Variants in PCDHGB6 observed in about 807,000 individuals in gnomAD.
PCDHGB6 encodes the protein protocadherin gamma subfamily B, 6.
Under a neutral mutation model 59.1 loss-of-function variants are expected in PCDHGB6, and 51 were observed. The ratio of observed to expected loss-of-function variants is 0.86; its 90% CI spans 0.69 to 1.09. The LOEUF is 1.09. PCDHGB6 is among the 50% of genes least tolerant of loss of function. The pLI is 0.00. For missense variants in PCDHGB6, 1,148 were observed against 1,205.1 expected (o/e 0.95, Z 0.70); for synonymous variants, 466 against 495.1 (o/e 0.94, Z 0.78).
At chr5:141,475,957 G>A (rs776101269) in intron 1 of PCDHGB6, 148 of 812,416 alleles carry the variant, frequency 1.8e-4, no homozygotes, top group Non-Finnish European at 2.6e-4. Flanking sequence ...CTGCGCCCCG[G>A]GATGAGGCAG....
intron 1 of PCDHGB6, chr5:141,430,691 G>C (rs1479214920): frequency 1.4e-6 from 2 of 1,416,472 alleles, no homozygotes; most frequent in Non-Finnish European, 1.9e-6. Flanking sequence ...CCATTCTATG[G>C]GCGAAGGAAC....
rs949391796 is a variant in PCDHGB6 at position 141,493,050 on chromosome 5, A to G, written c.2419-1757A>G. 6.6e-6 allele frequency among the ~76,000 whole-genome samples: 1 copy of G among 152,262 alleles called. No homozygotes were observed. The highest frequency in any genetic ancestry group is 2.4e-5 in the African/African-American group (1 of 41,464). On this transcript the variant is annotated intron_variant, in intron 1 of 3. Coordinates refer to ENST00000520790, the MANE Select transcript of PCDHGB6 (RefSeq NM_018926.3). The surrounding 1 kb of genome is among the most constrained non-coding windows in gnomAD (Gnocchi z 4.3). Reference sequence around the variant, plus strand: ...CCCTTATGTGTGAGGAAACTACAATAGTAAAAAACACAAGTTTCTCCAACT... The same window carrying G: ...CCCTTATGTGTGAGGAAACTACAATGGTAAAAAACACAAGTTTCTCCAACT...
Position 141,486,178 on chromosome 5 carries a change from C to T in PCDHGB6, c.2419-8629C>T, listed in dbSNP as rs767840363. The T allele has an allele frequency of 1.1e-5, 17 of 1,614,076 alleles. No homozygotes were observed. The highest frequency in any genetic ancestry group is 1.4e-5 in the Non-Finnish European group (16 of 1,180,038). ...CTCCAGCCATGGAGCAACATTGCAG[C>T]CTTCGAGTGGATCTGCTGGACGTAA... On this transcript the variant is annotated intron_variant, in intron 1 of 3. Coordinates refer to ENST00000520790, the MANE Select transcript of PCDHGB6 (RefSeq NM_018926.3). The surrounding 1 kb of genome is among the most constrained non-coding windows in gnomAD (Gnocchi z 5.0).
At chr5:141,439,947 T>C (rs2098140958) in intron 1 of PCDHGB6, 1 of 152,516 alleles carries the variant, frequency 6.6e-6, no homozygotes, top group Non-Finnish European at 1.5e-5. Flanking sequence ...TTCTCTATGA[T>C]GCAGATCCGT....
rs192227219 is a variant in PCDHGB6 at position 141,501,899 on chromosome 5, A to G, written c.2478-3494A>G. Among the ~76,000 whole-genome samples the G allele has an allele frequency of 1.0e-3, 159 of 152,024 alleles. 1 individual carries two copies. The highest frequency in any genetic ancestry group is 6.8e-3 in the Middle Eastern group (2 of 294). ...TACACTCCTGATCATCATGGTTCCA[A>G]CCCCACTGTTCCACTCAGCTTTGTT... is the stretch of plus-strand genomic sequence containing the variant. On this transcript the variant is annotated intron_variant, in intron 2 of 3. Transcript: ENST00000520790.
chr5:141,466,206 T>C (rs2099118813), intron 1 of PCDHGB6, among the ~76,000 whole-genome samples: 1 of 152,126 alleles, frequency 6.6e-6, no homozygotes, highest in Admixed American at 6.5e-5. Flanking sequence ...AGCCTTGCTC[T>C]GTTACCCAGG....
At chr5:141,446,508 G>A (rs932199756) in intron 1 of PCDHGB6, among the ~76,000 whole-genome samples, 4 of 151,356 alleles carry the variant, frequency 2.6e-5, no homozygotes, top group Non-Finnish European at 5.9e-5. Flanking sequence ...ATGGAGTCTC[G>A]CTCTGTCACC....
Position 141,409,349 on chromosome 5 carries a change from A to G in PCDHGB6, c.1147A>G (p.Arg383Gly). Reference protein sequence around the residue: ...DLDFGGNGEVRCNIETDIPFK... With the variant: ...DLDFGGNGEVGCNIETDIPFK... ...GGATTTCGGAGGAAATGGAGAAGTC[A>G]GGTGTAATATAGAAACAGACATTCC... is the stretch of plus-strand genomic sequence containing the variant. Residue 383 changes from arginine (R) to glycine (G), a missense_variant, in exon 1 of 4, where the codon AGG becomes GGG. Physicochemically the swap from Arg to Gly is moderately radical, Grantham distance 125. Around this residue, in one of 5 missense-constraint regions of PCDHGB6, gnomAD observed 549 missense variants for 527.5 expected, o/e 1.04. Coordinates refer to ENST00000520790, the MANE Select transcript of PCDHGB6 (RefSeq NM_018926.3). The G allele has an allele frequency of 6.2e-7, 1 of 1,614,030 alleles. No homozygotes were observed.
rs556656447 is a variant in PCDHGB6 at position 141,500,319 on chromosome 5, C to CT, written c.2478-5073dup. Among the ~76,000 whole-genome samples the CT allele has an allele frequency of 2.6e-5, 4 of 152,122 alleles. No homozygotes were observed. The South Asian group carries it at 8.3e-4, about 32-fold the overall frequency. Reference sequence around the variant, plus strand: ...CGCCTCCCAGGTTCACGCCATGCTCCTGCCTCAGCCTCCAGAATAGCTGGG... The same window carrying CT: ...CGCCTCCCAGGTTCACGCCATGCTCCTTGCCTCAGCCTCCAGAATAGCTGGG... On this transcript the variant is annotated intron_variant, in intron 2 of 3. Coordinates refer to ENST00000520790, the MANE Select transcript of PCDHGB6 (RefSeq NM_018926.3).
intron 1 of PCDHGB6, 196 bp downstream of exon 1, chr5:141,410,816 A>G (rs2095424614): frequency 1.8e-6 from 1 of 550,516 alleles, no homozygotes; most frequent in African/African-American, 2.1e-5. Flanking sequence ...TTTGTAAAAT[A>G]ATGTCACCAG....
chr5:141,480,224 T>G (rs2099514647), intron 1 of PCDHGB6, among the ~76,000 whole-genome samples: 1 of 146,584 alleles, frequency 6.8e-6, no homozygotes, highest in Non-Finnish European at 1.5e-5. Context: ...AGCGACATAG[T>G]GAGATCCTGT....
chr5:141,494,844 C>T lies in PCDHGB6; in HGVS notation c.2456C>T (p.Ala819Val). The change falls in exon 2 of 4, where the codon GCC becomes GTC. Residue 819 changes from alanine to valine, a missense_variant. Ala to Val is a moderately conservative substitution (Grantham distance 64). This residue lies in a region of PCDHGB6 where 283 missense variants were observed against 318.6 expected (regional missense o/e 0.89). Coordinates refer to ENST00000520790, the MANE Select transcript of PCDHGB6 (RefSeq NM_018926.3). ...PPNTDWRFSQ[A>V]QRPGTSGSQN... The stretch of plus-strand genomic sequence containing the variant: ...AACACGGACTGGCGTTTCTCTCAGG[C>T]CCAGAGACCCGGCACCAGCGGGTAG... The T allele has an allele frequency of 6.2e-7, 1 of 1,614,190 alleles. No homozygotes were observed. The highest frequency in any genetic ancestry group is 8.5e-7 in the Non-Finnish European group (1 of 1,180,028).
chr5:141,491,980 C>T lies in PCDHGB6; in HGVS notation c.2419-2827C>T. ...AAAAAAGGCCGGGGCCTCCTTCGAG[C>T]TTCCGGTGAATTTCGGGCGATTTCC... On this transcript the variant is annotated intron_variant, in intron 1 of 3. Transcript: ENST00000520790. The surrounding 1 kb of genome is among the most constrained non-coding windows in gnomAD (Gnocchi z 6.9). The T allele has an allele frequency of 2.5e-6, 2 of 784,432 alleles. No individual in the cohort carries two copies. The highest frequency in any genetic ancestry group is 3.8e-6 in the Non-Finnish European group (2 of 530,588). 48.6% of individuals were successfully genotyped at this position (784,432 alleles called of 1,614,324 possible). A position where few individuals can be genotyped will look rare whatever the true frequency, so the allele number is the denominator to read the frequency against.
At chr5:141,472,807 G>T (rs573078292) in intron 1 of PCDHGB6, among the ~76,000 whole-genome samples, 43 of 151,782 alleles carry the variant, frequency 2.8e-4, no homozygotes, top group African/African-American at 1.0e-3. Flanking sequence ...CCAACATGGA[G>T]AAACCCCCGT....
intron 1 of PCDHGB6, chr5:141,415,738 A>G (rs2095905853): frequency 5.6e-6 from 3 of 538,228 alleles, no homozygotes; most frequent in South Asian, 3.9e-5. Context: ...ATGTTTATTA[A>G]GGTTTTTTTT....
At chr5:141,483,840 T>C (rs996866862) in intron 1 of PCDHGB6, among the ~76,000 whole-genome samples, 2 of 152,172 alleles carry the variant, frequency 1.3e-5, no homozygotes, top group South Asian at 2.1e-4. Context: ...AAGGACTTGG[T>C]TGAATTAAGA....
Position 141,491,994 on chromosome 5 carries a change from C to T in PCDHGB6, c.2419-2813C>T. On this transcript the variant is annotated intron_variant, in intron 1 of 3. Transcript: ENST00000520790. This position sits in a 1 kb window ranked among gnomAD's most constrained non-coding sequence, Gnocchi z 6.9. ...CCTCCTTCGAGCTTCCGGTGAATTT[C>T]GGGCGATTTCCGCGGGTGTCGGGGG... The T allele has an allele frequency of 4.3e-6, 3 of 693,016 alleles. No individual in the cohort carries two copies. The allele number at this position is 693,016 out of a possible 1,614,324, so 42.9% of individuals were successfully genotyped here.
In PCDHGB6 at chr5:141,476,574, G is replaced by C. The variant is rs746783993; in HGVS notation, c.2419-18233G>C. The C allele has an allele frequency of 1.1e-5, 18 of 1,614,084 alleles. No homozygotes were observed. The Admixed American group carries it at 1.8e-4, about 16-fold the overall frequency. On this transcript the variant is annotated intron_variant, in intron 1 of 3. Coordinates refer to ENST00000520790, the MANE Select transcript of PCDHGB6 (RefSeq NM_018926.3). The surrounding 1 kb of genome is among the most constrained non-coding windows in gnomAD (Gnocchi z 7.6). ...AGCGAGGCCGTGGCTCCGGGGACGC[G>C]CTTTCCGCTCGAGAGCGCGCACGAT...
At chr5:141,415,352 C>T in intron 1 of PCDHGB6, 1 of 1,614,228 alleles carries the variant, frequency 6.2e-7, no homozygotes, top group Non-Finnish European at 8.5e-7. Context: ...TGGCACAAGT[C>T]ACGCCTGCTG....
Sources: allele counts gnomAD v4.1 joint callset (sites outside exome capture counted in the v4.1 genomes callset), GRCh38; gene constraint gnomAD v4.1.1; regional missense constraint gnomAD v4.1.1; non-coding constraint Gnocchi (gnomAD v3.1); transcripts MANE v1.5; gene names NCBI Gene and HGNC (gene_info 2026-07-23, HGNC 2026-07-21).